ATXN7: variants seen among roughly 807,000 people sequenced by gnomAD.
ATXN7 encodes the protein ataxin 7.
A neutral mutation model predicts 70.5 loss-of-function variants in ATXN7; 12 were observed. The ratio of observed to expected loss-of-function variants is 0.17; its 90% CI spans 0.11 to 0.28. ATXN7 has a LOEUF of 0.28. Ranked by LOEUF, ATXN7 falls within the 10% of genes least tolerant of loss-of-function variation. The pLI, the probability that ATXN7 is intolerant of heterozygous loss-of-function variation, is 1.00. For missense variants in ATXN7, 1,256 were observed against 1,131.7 expected, an observed-to-expected ratio of 1.11 and a Z score of -1.58; for synonymous variants, 498 against 448.7, an observed-to-expected ratio of 1.11 and a Z score of -1.39.
rs181912969 is a variant in ATXN7 at position 63,985,005 on chromosome 3, A to G, written c.1095+1984A>G. On this transcript the variant is annotated intron_variant, in intron 8 of 12. Coordinates refer to ENST00000674280, the MANE Select transcript of ATXN7 (RefSeq NM_001377405.1). ...GAATAGTATTCCAGTGTATGTATAT[A>G]CTATGTTGTCTTCATCCAGTCACCT... 5.8e-4 allele frequency among the ~76,000 whole-genome samples: 88 copies of G among 152,292 alleles called. 5 individuals are homozygous for G. In the East Asian group the frequency reaches 0.016, roughly 27 times the overall value.
intron 5 of ATXN7, among the ~76,000 whole-genome samples, chr3:63,958,535 A>G (rs899471703): frequency 1.3e-5 from 2 of 152,200 alleles, no homozygotes; most frequent in Non-Finnish European, 2.9e-5. Context: ...AGGTTTTACC[A>G]TTTAATACAG....
At chr3:63,916,905 TTTG>T (rs571642439) in intron 4 of ATXN7, among the ~76,000 whole-genome samples, 6 of 152,110 alleles carry the variant, frequency 3.9e-5, no homozygotes, top group East Asian at 1.9e-4. Flanking sequence ...ATTTTGACTT[TTTG>T]TTGTTGTTGT....
chr3:63,990,539 G>C, intron 10 of ATXN7, 165 bp downstream of exon 10: 1 of 1,139,690 alleles, frequency 8.8e-7, no homozygotes, highest in Non-Finnish European at 1.3e-6. Context: ...CACTCTGTAC[G>C]GGGGACATCT....
chr3:63,914,486 A>T (rs781493981), intron 4 of ATXN7, among the ~76,000 whole-genome samples: 1 of 152,222 alleles, frequency 6.6e-6, no homozygotes, highest in African/African-American at 2.4e-5. Flanking sequence ...TGATGTTGCA[A>T]TATGAAAAAT....
Position 63,967,742 on chromosome 3 carries a change from C to T in ATXN7, c.500-12173C>T, listed in dbSNP as rs1015331797. 8.8e-5 allele frequency: 123 copies of T among 1,403,560 alleles called. 1 individual carries two copies. In the South Asian group the frequency reaches 2.0e-3, roughly 23 times the overall value. The allele number at this position is 1,403,560 out of a possible 1,614,324, so 86.9% of individuals were successfully genotyped here. On this transcript the variant is annotated intron_variant, in intron 5 of 12. Transcript: ENST00000674280. ...ATTAGATGAAATTAGACTCCACCCC[C>T]TGTTTTCTGTTGATCTGCCAGGACC...
chr3:63,931,499 C>G (rs966002810), intron 4 of ATXN7, among the ~76,000 whole-genome samples: 1 of 152,094 alleles, frequency 6.6e-6, no homozygotes, highest in Non-Finnish European at 1.5e-5. Flanking sequence ...GAGGACACTT[C>G]GGGACTTTCT....
intron 4 of ATXN7, among the ~76,000 whole-genome samples, chr3:63,937,307 A>C (rs2074680112): frequency 6.6e-6 from 1 of 152,170 alleles, no homozygotes; most frequent in African/African-American, 2.4e-5. Context: ...TAGCGCATAA[A>C]GTTCTTTTTT....
chr3:63,982,304 A>T lies in ATXN7; in HGVS notation c.871A>T (p.Asn291Tyr). ...GAGTTCCTTAGTCAAGCCTGGCCTT[A>T]ACTGCCCCTCAATACCAAAGCCAAC... is the stretch of plus-strand genomic sequence containing the variant. ...TVSSLVKPGLNCPSIPKPTLP... is the reference protein window; with the variant it reads ...TVSSLVKPGLYCPSIPKPTLP... Residue 291 changes from asparagine to tyrosine, a missense_variant, in exon 7 of 13, where the codon AAC becomes TAC. Asn to Tyr is a moderately radical substitution (Grantham distance 143). Transcript: ENST00000674280. 1 of 1,614,188 alleles carries T rather than the reference A, an allele frequency of 6.2e-7. No individual in the cohort carries two copies. The highest frequency in any genetic ancestry group is 8.5e-7 in the Non-Finnish European group (1 of 1,180,030).
At chr3:63,953,799 C>T (rs951174831) in intron 5 of ATXN7, among the ~76,000 whole-genome samples, 13 of 151,902 alleles carry the variant, frequency 8.6e-5, no homozygotes, top group Admixed American at 2.0e-4. Context: ...TACAGGCACC[C>T]GCCACCACCA....
chr3:63,952,892 C>G (rs1165484364), intron 5 of ATXN7, among the ~76,000 whole-genome samples: 1 of 95,154 alleles, frequency 1.1e-5, no homozygotes, highest in Non-Finnish European at 1.9e-5. Flanking sequence ...TGAAACTTCT[C>G]TGTTCAATAG....
chr3:63,973,186 TG>T (rs2075341514), intron 5 of ATXN7, among the ~76,000 whole-genome samples: 1 of 152,228 alleles, frequency 6.6e-6, no homozygotes, highest in Non-Finnish European at 1.5e-5. Context: ...CTAAAGTTCT[TG>T]CCCTTTTCAG....
At chr3:63,929,698 C>T (rs958810868) in intron 4 of ATXN7, among the ~76,000 whole-genome samples, 3 of 151,980 alleles carry the variant, frequency 2.0e-5, no homozygotes, top group African/African-American at 4.8e-5. Flanking sequence ...TCTGCTTGCC[C>T]GGGTGGTAAT....
At chr3:63,878,221 T>A (rs892525924) in intron 1 of ATXN7, among the ~76,000 whole-genome samples, 6 of 152,196 alleles carry the variant, frequency 3.9e-5, no homozygotes, top group Admixed American at 1.3e-4. Context: ...TACAACTTGT[T>A]GGTATTCAGT....
intron 5 of ATXN7, among the ~76,000 whole-genome samples, chr3:63,969,896 C>A (rs1380333990): frequency 6.6e-6 from 1 of 152,052 alleles, no homozygotes; most frequent in African/African-American, 2.4e-5. Context: ...ACCTGTATAC[C>A]TGAGGTATAG....
chr3:63,894,380 A>G (rs768394614), intron 1 of ATXN7, among the ~76,000 whole-genome samples: 3 of 152,316 alleles, frequency 2.0e-5, no homozygotes, highest in East Asian at 1.9e-4. Context: ...AAAGTGGGCT[A>G]TTTTAGGCCT....
At chr3:63,868,191 T>C (rs1009182503) in intron 1 of ATXN7, among the ~76,000 whole-genome samples, 2 of 152,214 alleles carry the variant, frequency 1.3e-5, no homozygotes, top group African/African-American at 2.4e-5. Context: ...AAGGGAATCA[T>C]TGTAAGAAAA....
At chr3:63,912,327 G>C (rs1378252112) in intron 2 of ATXN7, 1 of 152,728 alleles carries the variant, frequency 6.5e-6, no homozygotes, top group Non-Finnish European at 1.5e-5. Flanking sequence ...CCAGCGCCGC[G>C]GTGGCGGGCC....
chr3:63,960,995 C>G (rs1040835604), intron 5 of ATXN7, among the ~76,000 whole-genome samples: 1 of 151,916 alleles, frequency 6.6e-6, no homozygotes, highest in Non-Finnish European at 1.5e-5. Context: ...TAACAAAAAC[C>G]ACTGCCTTTC....
rs1286881475 is a variant in ATXN7 at position 63,912,614 on chromosome 3, G to C, written c.16G>C (p.Ala6Pro). 1 of 1,096,194 alleles carries C rather than the reference G, an allele frequency of 9.1e-7. No homozygotes were observed. The highest frequency in any genetic ancestry group is 1.1e-6 in the Non-Finnish European group (1 of 889,240). 67.9% of individuals were successfully genotyped at this position (1,096,194 alleles called of 1,614,324 possible). A position where few individuals can be genotyped will look rare whatever the true frequency, so the allele number is the denominator to read the frequency against. The change falls in exon 3 of 13, where the codon GCG (alanine) becomes CCG (proline). Residue 6 changes from alanine (A) to proline (P), a missense_variant. By Grantham distance (27) the Ala-to-Pro change is conservative. Coordinates refer to ENST00000674280, the MANE Select transcript of ATXN7 (RefSeq NM_001377405.1). MSERA[A>P]DDVRGEPRRA... ...AGCGGAAAGAATGTCGGAGCGGGCCGCGGATGACGTCAGGGGGGAGCCGCG... is the reference window on the plus strand; with the variant it reads ...AGCGGAAAGAATGTCGGAGCGGGCCCCGGATGACGTCAGGGGGGAGCCGCG...
Sources: gnomAD v4.1 joint callset for allele counts (sites outside exome capture counted in the v4.1 genomes callset) on GRCh38, gnomAD v4.1.1 for gene constraint, MANE v1.5 for transcripts, NCBI Gene and HGNC (gene_info 2026-07-23, HGNC 2026-07-21) for gene names.